The following AIG1 variants were observed in gnomAD, a reference collection of about 807,000 sequenced individuals.
The protein encoded by AIG1 is androgen-induced gene 1 protein.
Under a neutral mutation model 31.4 loss-of-function variants are expected in AIG1, and 23 were observed. The ratio of observed to expected loss-of-function variants is 0.73; its 90% CI spans 0.53 to 1.04. The LOEUF (loss-of-function observed/expected upper bound fraction) is 1.04. Ranked by LOEUF, AIG1 falls within the 50% of genes least tolerant of loss-of-function variation. The probability of loss-of-function intolerance (pLI) is 0.00; values close to 1 mark genes in which losing one functional copy is unlikely to be tolerated. For missense variants in AIG1, 274 were observed against 295.0 expected (o/e 0.93, Z 0.52); for synonymous variants, 100 against 110.5 (o/e 0.90, Z 0.60).
At chr6:143,337,596 A>T (rs1360849885) in intron 5 of AIG1, among the ~76,000 whole-genome samples, 1 of 152,222 alleles carries the variant, frequency 6.6e-6, no homozygotes, top group African/African-American at 2.4e-5. Flanking sequence ...TACATTTTGT[A>T]AGACCAGAAA....
At chr6:143,188,834 T>G in intron 3 of AIG1, 1 of 985,200 alleles carries the variant, frequency 1.0e-6, no homozygotes, top group South Asian at 4.7e-5. Flanking sequence ...AGAACATTCC[T>G]TTTTACACTG....
chr6:143,150,611 A>T (rs1405829112), intron 2 of AIG1, among the ~76,000 whole-genome samples: 3 of 152,162 alleles, frequency 2.0e-5, no homozygotes, highest in Non-Finnish European at 4.4e-5. Context: ...CCTCTGTCCT[A>T]TCGCAAGAAA....
intron 3 of AIG1, among the ~76,000 whole-genome samples, chr6:143,231,265 G>A (rs1480318027): frequency 1.3e-5 from 2 of 152,226 alleles, no homozygotes; most frequent in Admixed American, 1.3e-4. Flanking sequence ...ATTTCATTAA[G>A]CAAGCATTCA....
At chr6:143,081,358 C>T (rs1583100898) in intron 1 of AIG1, among the ~76,000 whole-genome samples, 1 of 152,076 alleles carries the variant, frequency 6.6e-6, no homozygotes, top group South Asian at 2.1e-4. Context: ...CAGGGAAGTC[C>T]GAATCTGGGA....
chr6:143,064,676 T>G (rs1415789245), intron 1 of AIG1, among the ~76,000 whole-genome samples: 2 of 152,254 alleles, frequency 1.3e-5, no homozygotes, highest in Non-Finnish European at 2.9e-5. Context: ...TAGCCCTTTA[T>G]GTATAGTAGA....
chr6:143,079,778 C>G (rs995264799), intron 1 of AIG1, among the ~76,000 whole-genome samples: 1 of 134,200 alleles, frequency 7.5e-6, no homozygotes, highest in Non-Finnish European at 1.5e-5. Context: ...AGGATAGATT[C>G]CTTTTTTTTT....
intron 3 of AIG1, chr6:143,190,440 G>C: frequency 2.0e-6 from 2 of 985,430 alleles, no homozygotes; most frequent in Non-Finnish European, 2.4e-6. Flanking sequence ...ACATTTTAGA[G>C]ATGAGAGAAG....
At chr6:143,110,064 C>G (rs1781136713) in intron 1 of AIG1, among the ~76,000 whole-genome samples, 2 of 152,064 alleles carry the variant, frequency 1.3e-5, no homozygotes, top group African/African-American at 4.8e-5. Flanking sequence ...AGGTAGGAGG[C>G]AAGGATCATT....
At chr6:143,266,883 G>C (rs1428911469) in intron 3 of AIG1, among the ~76,000 whole-genome samples, 1 of 152,174 alleles carries the variant, frequency 6.6e-6, no homozygotes, top group African/African-American at 2.4e-5. Context: ...CAAGGCTGCT[G>C]TGAACTATGA....
chr6:143,221,496 A>T (rs550811446), intron 3 of AIG1, among the ~76,000 whole-genome samples: 14 of 152,100 alleles, frequency 9.2e-5, no homozygotes, highest in African/African-American at 3.1e-4. Context: ...TCTAGGTCCA[A>T]ATTTTCTGTT....
chr6:143,152,768 C>T (rs985865507), intron 2 of AIG1, among the ~76,000 whole-genome samples: 2 of 152,178 alleles, frequency 1.3e-5, no homozygotes, highest in South Asian at 2.1e-4. Flanking sequence ...TTTCGCCACA[C>T]CCTACCCTCT....
At chr6:143,241,774 C>T (rs1490192756) in intron 3 of AIG1, among the ~76,000 whole-genome samples, 2 of 152,074 alleles carry the variant, frequency 1.3e-5, no homozygotes, top group African/African-American at 4.8e-5. Flanking sequence ...GCTCCCAAAC[C>T]CAAAACTTTT....
chr6:143,190,085 A>G lies in AIG1; in HGVS notation c.399+24902A>G, dbSNP rs989749497. The stretch of plus-strand genomic sequence containing the variant: ...ATTCATTGAGGATTCCACCCCAGTG[A>G]CCTAATCACTTCCCAAAGGGCCATC... On this transcript the variant is annotated intron_variant, in intron 3 of 5. Transcript: ENST00000357847. 3 of 743,774 alleles carry G rather than the reference A, an allele frequency of 4.0e-6. No homozygotes were observed. The African/African-American group carries it at 5.7e-5, about 14-fold the overall frequency. 46.1% of individuals were successfully genotyped at this position (743,774 alleles called of 1,614,324 possible).
intron 3 of AIG1, among the ~76,000 whole-genome samples, chr6:143,223,237 A>G (rs1792671546): frequency 6.6e-6 from 1 of 152,198 alleles, no homozygotes; most frequent in Non-Finnish European, 1.5e-5. Flanking sequence ...AGAGATGCAG[A>G]TTCTCACAAT....
chr6:143,274,056 G>T (rs1386153077), intron 3 of AIG1, among the ~76,000 whole-genome samples: 5 of 152,148 alleles, frequency 3.3e-5, no homozygotes, highest in Non-Finnish European at 7.3e-5. Context: ...TTTACCCTCT[G>T]ACATGGGCAT....
chr6:143,286,816 C>CT (rs1216057771), intron 4 of AIG1, among the ~76,000 whole-genome samples: 2 of 152,112 alleles, frequency 1.3e-5, no homozygotes, highest in Non-Finnish European at 2.9e-5. Context: ...TGCTGGGACT[C>CT]TAACTTGCTA....
At chr6:143,081,493 G>A (rs1003517438) in intron 1 of AIG1, among the ~76,000 whole-genome samples, 4 of 151,650 alleles carry the variant, frequency 2.6e-5, no homozygotes, top group Admixed American at 2.0e-4. Context: ...ATTTGGGCAT[G>A]TGGGTAAAAT....
At chr6:143,226,560 AT>A (rs1160711030) in intron 3 of AIG1, among the ~76,000 whole-genome samples, 2 of 152,070 alleles carry the variant, frequency 1.3e-5, no homozygotes, top group African/African-American at 4.8e-5. Flanking sequence ...TAACTTTTTA[AT>A]TCAAGAGATC....
chr6:143,314,642 A>C (rs1334485043), intron 4 of AIG1, among the ~76,000 whole-genome samples: 1 of 152,032 alleles, frequency 6.6e-6, no homozygotes, highest in Non-Finnish European at 1.5e-5. Context: ...AAACTATAAA[A>C]CTCTCACAAA....
Sources: gnomAD v4.1 joint callset for allele counts (sites outside exome capture counted in the v4.1 genomes callset) on GRCh38, gnomAD v4.1.1 for gene constraint, MANE v1.5 for transcripts, NCBI Gene and HGNC (gene_info 2026-07-23, HGNC 2026-07-21) for gene names.